TTLL5: variants seen among roughly 807,000 people sequenced by gnomAD.
TTLL5 encodes the protein tubulin polyglutamylase TTLL5.
In TTLL5, 132 loss-of-function variants were observed where a neutral mutation model predicts 168.4. The observed-to-expected ratio is 0.78, with a 90% CI of 0.68 to 0.91. TTLL5 has a LOEUF of 0.91. Ranked by LOEUF, TTLL5 falls within the 40% of genes least tolerant of loss-of-function variation. The pLI is 0.00. For synonymous variants in TTLL5, 546 were observed against 558.6 expected (o/e 0.98, Z 0.32); for missense variants, 1,545 against 1,581.5 (o/e 0.98, Z 0.39).
At chr14:75,896,835 G>T (rs2032684549) in intron 30 of TTLL5, among the ~76,000 whole-genome samples, 1 of 152,148 alleles carries the variant, frequency 6.6e-6, no homozygotes, top group Non-Finnish European at 1.5e-5. Context: ...CAAAAGGGAT[G>T]GTGGGGCTAT....
intron 2 of TTLL5, among the ~76,000 whole-genome samples, chr14:75,668,827 G>A (rs991937331): frequency 6.6e-6 from 1 of 152,172 alleles, no homozygotes; most frequent in Non-Finnish European, 1.5e-5. Context: ...TTCTTTATGT[G>A]TGCAAAGGAT....
At position 75,707,701 on chromosome 14, in the gene TTLL5, T is replaced by C; in HGVS notation, c.734T>C (p.Leu245Ser). 1 of 1,609,240 alleles carries C rather than the reference T, an allele frequency of 6.2e-7. No individual in the cohort carries two copies. The highest frequency in any genetic ancestry group is 8.5e-7 in the Non-Finnish European group (1 of 1,177,162). ...GTCATCTATCTCTATGAAGAAGGAT[T>C]GGCTAGGTAAGAAGCTGTTTGGGGG... ...PLVIYLYEEG[L>S]ARFATVRYDQ... The change falls in exon 9 of 32, where the codon TTG becomes TCG. Residue 245 changes from leucine to serine, a missense_variant. Leu to Ser is a moderately radical substitution (Grantham distance 145, BLOSUM62 -2). Coordinates refer to ENST00000298832, the MANE Select transcript of TTLL5 (RefSeq NM_015072.5).
intron 30 of TTLL5, among the ~76,000 whole-genome samples, chr14:75,889,826 A>G (rs2032302296): frequency 3.5e-5 from 1 of 28,430 alleles, no homozygotes; most frequent in Non-Finnish European, 6.7e-5. Context: ...CGAGACTCTT[A>G]AAAAAAAAAA....
At chr14:75,777,483 A>G (rs954171483) in intron 23 of TTLL5, among the ~76,000 whole-genome samples, 2 of 152,236 alleles carry the variant, frequency 1.3e-5, no homozygotes, top group African/African-American at 4.8e-5. Context: ...CTCGATATTC[A>G]TCTCTCTATC....
intron 28 of TTLL5, among the ~76,000 whole-genome samples, chr14:75,849,836 C>T (rs565154414): frequency 1.3e-5 from 2 of 152,234 alleles, no homozygotes; most frequent in African/African-American, 4.8e-5. Flanking sequence ...TGTGGTGGCT[C>T]ACACCTGTAA....
rs545755235 is a variant in TTLL5 at position 75,742,185 on chromosome 14, C to A, written c.1282-2910C>A. On this transcript the variant is annotated intron_variant, in intron 15 of 31. Transcript: ENST00000298832. ...ATCAACCTTCTAAGTAACATTCTTT[C>A]TGTTCTTAAATGCTTAATAAAGATA... 2.7e-4 allele frequency among the ~76,000 whole-genome samples: 41 copies of A among 152,242 alleles called. No individual in the cohort carries two copies. In the South Asian group the frequency reaches 3.5e-3, roughly 13 times the overall value.
intron 28 of TTLL5, among the ~76,000 whole-genome samples, chr14:75,821,778 G>A (rs1353581180): frequency 6.6e-6 from 1 of 152,152 alleles, no homozygotes; most frequent in African/African-American, 2.4e-5. Context: ...CCACGAGGCT[G>A]CGATAATGCT....
At chr14:75,826,466 G>C (rs1248180579) in intron 28 of TTLL5, among the ~76,000 whole-genome samples, 1 of 151,726 alleles carries the variant, frequency 6.6e-6, no homozygotes, top group East Asian at 1.9e-4. Context: ...AAAAGAGTAT[G>C]TAAGGATTTA....
chr14:75,680,817 G>A (rs796232843), intron 3 of TTLL5, among the ~76,000 whole-genome samples: 5 of 151,778 alleles, frequency 3.3e-5, no homozygotes, highest in African/African-American at 1.2e-4. Flanking sequence ...AGTAGAGATG[G>A]GGTTTCACAA....
intron 26 of TTLL5, among the ~76,000 whole-genome samples, chr14:75,787,538 A>G (rs1892441581): frequency 6.6e-6 from 1 of 152,374 alleles, no homozygotes; most frequent in South Asian, 2.1e-4. Flanking sequence ...TGAAGAATGT[A>G]TAAATCCACT....
chr14:75,665,900 G>A (rs1342721324), intron 2 of TTLL5, among the ~76,000 whole-genome samples: 2 of 152,100 alleles, frequency 1.3e-5, no homozygotes, highest in Non-Finnish European at 2.9e-5. Context: ...AACGTCAAAG[G>A]CACAGATAAT....
intron 31 of TTLL5, among the ~76,000 whole-genome samples, chr14:75,921,541 G>A (rs933179332): frequency 1.3e-5 from 2 of 152,150 alleles, no homozygotes; most frequent in African/African-American, 4.8e-5. Context: ...TTGTAGATGT[G>A]TTCTGTTATT....
chr14:75,858,180 G>T (rs993182969), intron 28 of TTLL5, among the ~76,000 whole-genome samples: 1 of 152,158 alleles, frequency 6.6e-6, no homozygotes. Flanking sequence ...TTTCATAGTG[G>T]TACTGAGACA....
At chr14:75,702,381 C>T (rs919111150) in intron 7 of TTLL5, among the ~76,000 whole-genome samples, 7 of 152,162 alleles carry the variant, frequency 4.6e-5, no homozygotes, top group African/African-American at 1.2e-4. Context: ...ATCTCATAGA[C>T]GGCACTAGTT....
At chr14:75,813,880 G>C (rs1894220707) in intron 27 of TTLL5, among the ~76,000 whole-genome samples, 1 of 148,408 alleles carries the variant, frequency 6.7e-6, no homozygotes, top group Non-Finnish European at 1.5e-5. Context: ...CTGTTTTCCA[G>C]ACCCCTTTGT....
chr14:75,672,351 A>G (rs1300734962), intron 3 of TTLL5, among the ~76,000 whole-genome samples: 2 of 152,072 alleles, frequency 1.3e-5, no homozygotes, highest in East Asian at 1.9e-4. Flanking sequence ...AGTTCAAGCA[A>G]TTCTCTGCCT....
intron 30 of TTLL5, among the ~76,000 whole-genome samples, chr14:75,894,762 AC>A (rs1267342466): frequency 6.6e-6 from 1 of 152,274 alleles, no homozygotes; most frequent in Admixed American, 6.5e-5. Context: ...CAAAAGATAG[AC>A]AATAAAAGGT....
intron 20 of TTLL5, among the ~76,000 whole-genome samples, chr14:75,769,210 C>G (rs960021658): frequency 1.3e-5 from 2 of 152,112 alleles, no homozygotes; most frequent in Admixed American, 1.3e-4. Flanking sequence ...GCGTTAGTGT[C>G]AATCAGTGGT....
intron 31 of TTLL5, among the ~76,000 whole-genome samples, chr14:75,942,456 C>T (rs567134331): frequency 3.3e-5 from 5 of 152,206 alleles, no homozygotes; most frequent in African/African-American, 1.2e-4. Context: ...TTGTAAGATG[C>T]GATCTCAGCA....
Sources: allele counts gnomAD v4.1 joint callset (sites outside exome capture counted in the v4.1 genomes callset), GRCh38; gene constraint gnomAD v4.1.1; transcripts MANE v1.5; gene names NCBI Gene and HGNC (gene_info 2026-07-23, HGNC 2026-07-21).